Variants in CNNM1 observed in about 807,000 individuals in gnomAD.
CNNM1 encodes metal transporter CNNM1.
Under a neutral mutation model 78.8 loss-of-function variants are expected in CNNM1, and 44 were observed. The observed-to-expected ratio is 0.56, with a 90% CI of 0.44 to 0.72. The LOEUF (loss-of-function observed/expected upper bound fraction) is 0.72. Ranked by LOEUF, CNNM1 falls within the 30% of genes least tolerant of loss-of-function variation. The pLI is 0.00. For missense variants in CNNM1, 1,101 were observed against 1,292.2 expected (o/e 0.85, Z 2.27); for synonymous variants, 584 against 581.5 (o/e 1.00, Z -0.06).
At chr10:99,373,496 A>T (rs1033076041) in intron 6 of CNNM1, among the ~76,000 whole-genome samples, 4 of 152,184 alleles carry the variant, frequency 2.6e-5, no homozygotes, top group Non-Finnish European at 4.4e-5. Context: ...ACACAGACTT[A>T]TCCAGCCACC....
chr10:99,330,016 G>T lies in CNNM1; in HGVS notation c.629G>T (p.Arg210Leu), dbSNP rs778312368. The change falls in exon 1 of 11, where the codon CGG (arginine) becomes CTG (leucine). Residue 210 changes from arginine to leucine, a missense_variant. By Grantham distance (102) the Arg-to-Leu change is moderately radical. This residue lies in a region of CNNM1 where 476 missense variants were observed against 484.5 expected (regional missense o/e 0.98). Coordinates refer to ENST00000356713, the MANE Select transcript of CNNM1 (RefSeq NM_020348.3). Reference sequence around the variant, plus strand: ...GGCTTCCTGCTGCGCGTTCGCCCGCGGTTGTACGGCCCAGGCGGGGACCTG... The same window carrying T: ...GGCTTCCTGCTGCGCGTTCGCCCGCTGTTGTACGGCCCAGGCGGGGACCTG... Reference protein sequence around the residue: ...AGGFLLRVRPRLYGPGGDLLP... With the variant: ...AGGFLLRVRPLLYGPGGDLLP... 6.9e-5 allele frequency: 98 copies of T among 1,430,454 alleles called. No individual in the cohort carries two copies. In the Middle Eastern group the frequency reaches 8.8e-4, roughly 13 times the overall value. 88.6% of individuals were successfully genotyped at this position (1,430,454 alleles called of 1,614,324 possible). A position where few individuals can be genotyped will look rare whatever the true frequency, so the allele number is the denominator to read the frequency against.
chr10:99,365,159 A>C, intron 6 of CNNM1, 157 bp downstream of exon 6: 4 of 741,714 alleles, frequency 5.4e-6, no homozygotes, highest in Non-Finnish European at 9.6e-6. Flanking sequence ...GCTTCCTGCC[A>C]GGTACCCACA....
chr10:99,375,082 G>A (rs1364878303), intron 6 of CNNM1, among the ~76,000 whole-genome samples: 4 of 152,158 alleles, frequency 2.6e-5, no homozygotes, highest in Non-Finnish European at 4.4e-5. Flanking sequence ...GGCATTCATC[G>A]AGGTGGGGAA....
chr10:99,355,131 C>G (rs919749752), intron 1 of CNNM1, among the ~76,000 whole-genome samples: 3 of 152,136 alleles, frequency 2.0e-5, no homozygotes, highest in African/African-American at 7.2e-5. Context: ...TAACTGATGA[C>G]TCCTCTTGAC....
chr10:99,388,628 A>G (rs2032380273), intron 9 of CNNM1, among the ~76,000 whole-genome samples: 1 of 152,202 alleles, frequency 6.6e-6, no homozygotes, highest in Non-Finnish European at 1.5e-5. Context: ...TTTTATCTGA[A>G]TGGATAAGTA....
At chr10:99,374,935 T>C (rs1047856220) in intron 6 of CNNM1, among the ~76,000 whole-genome samples, 2 of 152,188 alleles carry the variant, frequency 1.3e-5, no homozygotes, top group Admixed American at 6.5e-5. Context: ...GGAGTCATGA[T>C]AGAGGAGAAC....
chr10:99,387,963 C>A lies in CNNM1; in HGVS notation c.2484C>A (p.Asp828Glu), dbSNP rs17490682. 4 of 1,602,956 alleles carry A rather than the reference C, an allele frequency of 2.5e-6. No homozygotes were observed. Among genetic ancestry groups the A allele is most frequent in the South Asian group, 2.2e-5 (2 of 89,228 alleles). Reference protein sequence around the residue: ...TRGTPQTPKDDPAITLLNNRN... With the variant: ...TRGTPQTPKDEPAITLLNNRN... ...GCACACCCCAGACCCCTAAGGATGACCCCGCCATCACGCTCCTCAACAACA... is the reference window on the plus strand; with the variant it reads ...GCACACCCCAGACCCCTAAGGATGAACCCGCCATCACGCTCCTCAACAACA... The change falls in exon 8 of 11, where the codon GAC (aspartate) becomes GAA (glutamate). Residue 828 changes from aspartate (D) to glutamate (E), a missense_variant. Asp to Glu is a conservative substitution (Grantham distance 45). This residue lies in a region of CNNM1 where 348 missense variants were observed against 384.5 expected (regional missense o/e 0.90). Coordinates refer to ENST00000356713, the MANE Select transcript of CNNM1 (RefSeq NM_020348.3).
chr10:99,389,798 G>A (rs1342275637), intron 9 of CNNM1, among the ~76,000 whole-genome samples: 12 of 152,178 alleles, frequency 7.9e-5, no homozygotes, highest in Admixed American at 7.9e-4. Context: ...GTTTTTATTT[G>A]CATTGGTGGT....
Position 99,350,236 on chromosome 10 carries a change from A to G in CNNM1, c.1574-7276A>G, listed in dbSNP as rs561387031. ...CAAATGAATAAAAGATGCTGCAAGC[A>G]CACCTGGAAGAAGAACGTAGCAAAA... On this transcript the variant is annotated intron_variant, in intron 1 of 10. Coordinates refer to ENST00000356713, the MANE Select transcript of CNNM1 (RefSeq NM_020348.3). Among the ~76,000 whole-genome samples, 7 of 152,362 alleles carry G rather than the reference A, an allele frequency of 4.6e-5. No individual in the cohort carries two copies. In the East Asian group the frequency reaches 1.3e-3, roughly 29 times the overall value.
chr10:99,330,936 A>G lies in CNNM1; in HGVS notation c.1549A>G (p.Thr517Ala), dbSNP rs773294412. 28 of 1,613,278 alleles carry G rather than the reference A, an allele frequency of 1.7e-5. No homozygotes were observed. In the Admixed American group the frequency reaches 4.2e-4, roughly 24 times the overall value. ...HCVFNDTRLD[T>A]VLEEFKKGKS... The stretch of plus-strand genomic sequence containing the variant: ...TGTTTTCAATGACACCCGACTGGAC[A>G]CGGTTCTGGAGGAGTTTAAGAAGGG... Residue 517 changes from threonine to alanine, a missense_variant, in exon 1 of 11, where the codon ACG becomes GCG. Physicochemically the swap from Thr to Ala is moderately conservative, Grantham distance 58. This residue lies in a region of CNNM1 where 277 missense variants were observed against 423.2 expected (regional missense o/e 0.65). Coordinates refer to ENST00000356713, the MANE Select transcript of CNNM1 (RefSeq NM_020348.3).
At chr10:99,333,333 A>G (rs1564936228) in intron 1 of CNNM1, among the ~76,000 whole-genome samples, 1 of 151,940 alleles carries the variant, frequency 6.6e-6, no homozygotes. Context: ...TCATTCATTC[A>G]TTTGTTTAGG....
intron 7 of CNNM1, among the ~76,000 whole-genome samples, chr10:99,381,954 A>G (rs990485628): frequency 1.3e-5 from 2 of 151,774 alleles, no homozygotes; most frequent in Non-Finnish European, 2.9e-5. Context: ...TAGGGACGTT[A>G]TTTAGGCCAC....
At chr10:99,389,374 G>A (rs544358596) in intron 9 of CNNM1, among the ~76,000 whole-genome samples, 3 of 141,732 alleles carry the variant, frequency 2.1e-5, no homozygotes, top group South Asian at 2.2e-4. Context: ...GCGAGATGGC[G>A]CCATTGCACT....
chr10:99,344,931 C>T (rs555285613), intron 1 of CNNM1, among the ~76,000 whole-genome samples: 1 of 152,180 alleles, frequency 6.6e-6, no homozygotes, highest in African/African-American at 2.4e-5. Flanking sequence ...GCATGCCTTC[C>T]TGCAGCCTCC....
intron 6 of CNNM1, among the ~76,000 whole-genome samples, chr10:99,371,979 C>T (rs2031818813): frequency 6.6e-6 from 1 of 152,148 alleles, no homozygotes; most frequent in Non-Finnish European, 1.5e-5. Context: ...CCTGAACCCT[C>T]CTTTTTCCTC....
At chr10:99,357,462 A>G in intron 1 of CNNM1, 50 bp from the exon 2 acceptor site, 2 of 1,565,378 alleles carry the variant, frequency 1.3e-6, no homozygotes, top group East Asian at 2.3e-5. Flanking sequence ...ACAAAAAAAG[A>G]TCTCTGAAAA....
chr10:99,347,491 G>A (rs576393963), intron 1 of CNNM1, among the ~76,000 whole-genome samples: 6 of 151,830 alleles, frequency 4.0e-5, no homozygotes, highest in Non-Finnish European at 5.9e-5. Context: ...CTGCACTCCA[G>A]CCTGGGGGAC....
chr10:99,331,220 A>G (rs542432910), intron 1 of CNNM1, among the ~76,000 whole-genome samples: 1 of 152,244 alleles, frequency 6.6e-6, no homozygotes, highest in East Asian at 1.9e-4. Flanking sequence ...CCATTCTACC[A>G]GGTTTTTCCA....
Position 99,329,742 on chromosome 10 carries a change from G to GC in CNNM1, c.360dup (p.Ser121GlnfsTer289). ...GGAGCCCCCGGGCGGTGGCGGCGTG[G>GC]CCCCCAGCGCGGTCCCCACTCGCCC... On this transcript the variant is annotated frameshift_variant, in exon 1 of 11. Coordinates refer to ENST00000356713, the MANE Select transcript of CNNM1 (RefSeq NM_020348.3). LOFTEE classifies it high-confidence loss of function. The GC allele has an allele frequency of 1.3e-6, 2 of 1,503,040 alleles. No homozygotes were observed. Among genetic ancestry groups the GC allele is most frequent in the Non-Finnish European group, 1.8e-6 (2 of 1,135,558 alleles). 93.1% of individuals were successfully genotyped at this position (1,503,040 alleles called of 1,614,324 possible).
Sources: gnomAD v4.1 joint callset for allele counts (sites outside exome capture counted in the v4.1 genomes callset) on GRCh38, gnomAD v4.1.1 for gene constraint, gnomAD v4.1.1 regional missense constraint, MANE v1.5 for transcripts, NCBI Gene and HGNC (gene_info 2026-07-23, HGNC 2026-07-21) for gene names.